Variants in RBFOX1 observed in about 807,000 individuals in gnomAD.
The protein encoded by RBFOX1 is RNA binding fox-1 homolog 1, also known as RNA binding protein fox-1 homolog 1.
RBFOX1 carries 8 observed loss-of-function variants against 57.7 expected under a neutral mutation model. The ratio of observed to expected loss-of-function variants is 0.14; its 90% CI spans 0.08 to 0.25. The LOEUF is 0.25. Among genes scored for constraint, RBFOX1 ranks in the 10% least tolerant of loss-of-function variants. The probability of loss-of-function intolerance (pLI) is 1.00; values close to 1 mark genes in which losing one functional copy is unlikely to be tolerated. For synonymous variants in RBFOX1, 326 were observed against 222.4 expected (o/e 1.47, Z -4.15); for missense variants, 611 against 548.5 (o/e 1.11, Z -1.14).
intron 1 of RBFOX1, among the ~76,000 whole-genome samples, chr16:5,261,542 G>A (rs1262556539): frequency 2.2e-5 from 3 of 137,952 alleles, no homozygotes; most frequent in Non-Finnish European, 4.6e-5. Context: ...ATTTCACTGT[G>A]TGTATGGTTT....
intron 1 of RBFOX1, among the ~76,000 whole-genome samples, chr16:5,434,188 C>G (rs1010507281): frequency 1.3e-5 from 2 of 152,080 alleles, no homozygotes; most frequent in Non-Finnish European, 2.9e-5. Flanking sequence ...GTAAAACATT[C>G]ATTTGCTGTG....
Position 5,390,878 on chromosome 16 carries a change from G to A in RBFOX1, c.220-76338G>A, listed in dbSNP as rs940923571. 2.0e-5 allele frequency among the ~76,000 whole-genome samples: 3 copies of A among 152,150 alleles called. No homozygotes were observed. The South Asian group carries it at 6.2e-4, about 31-fold the overall frequency. ...TCTTGTCACCATAAGGGAAAGCTAG[G>A]ACCCACCCAGAGGAAGCAGAGCATA... On this transcript the variant is annotated intron_variant, in intron 1 of 2. Coordinates refer to the RBFOX1 transcript ENST00000585867.
chr16:6,876,132 A>G (rs372079501), intron 3 of RBFOX1, among the ~76,000 whole-genome samples: 2 of 152,036 alleles, frequency 1.3e-5, no homozygotes, highest in Non-Finnish European at 1.5e-5. Flanking sequence ...GCAGTGAGCC[A>G]TGATTGCACC....
intron 4 of RBFOX1, among the ~76,000 whole-genome samples, chr16:5,924,885 C>T (rs983073859): frequency 2.6e-5 from 4 of 152,148 alleles, no homozygotes; most frequent in Admixed American, 1.3e-4. Flanking sequence ...TAACTGTATC[C>T]GCCTTTGCAG....
chr16:7,691,157 C>CTTAACTGGTAGCTGTTAACTCCTTTTAA (rs2077229196), intron 14 of RBFOX1, among the ~76,000 whole-genome samples: 1 of 152,018 alleles, frequency 6.6e-6, no homozygotes, highest in Admixed American at 6.6e-5. Flanking sequence ...CAAAAAAATA[C>CTTAACTGGTAGCTGTTAACTCCTTTTAA]TTAACTGGTA....
chr16:5,856,220 T>A (rs1179783273), intron 3 of RBFOX1, among the ~76,000 whole-genome samples: 25 of 31,320 alleles, frequency 8.0e-4, no homozygotes, highest in African/African-American at 2.2e-3. Context: ...TATATATGTA[T>A]ATATATATGT....
intron 14 of RBFOX1, among the ~76,000 whole-genome samples, chr16:7,702,456 G>C (rs889909671): frequency 6.6e-6 from 1 of 152,144 alleles, no homozygotes; most frequent in Admixed American, 6.5e-5. Flanking sequence ...AGATCTTACT[G>C]TTTTGCTGCA....
At position 5,683,694 on chromosome 16, in the gene RBFOX1, T is replaced by C. The variant is rs116513295; in HGVS notation, c.318+84733T>C. On this transcript the variant is annotated intron_variant, in intron 3 of 19. Coordinates refer to the RBFOX1 transcript ENST00000641259. ...TCAGCTTACACACGGCCTATTGTGG[T>C]CTTGTGATCATGTAAGTTAATACTT... Among the ~76,000 whole-genome samples the C allele has an allele frequency of 6.9e-3, 1,053 of 151,814 alleles. 18 individuals are homozygous for C. The highest frequency in any genetic ancestry group is 0.025 in the African/African-American group (1,026 of 41,436).
At chr16:6,070,358 A>T (rs1304560276) in intron 1 of RBFOX1, among the ~76,000 whole-genome samples, 1 of 152,214 alleles carries the variant, frequency 6.6e-6, no homozygotes, top group Non-Finnish European at 1.5e-5. Context: ...AAATCCAGTG[A>T]GTGCCTGCAT....
chr16:6,823,088 G>A (rs1481479578), intron 3 of RBFOX1, among the ~76,000 whole-genome samples: 1 of 152,024 alleles, frequency 6.6e-6, no homozygotes, highest in South Asian at 2.1e-4. Context: ...TTTACAGATG[G>A]GAGACTGAGC....
At chr16:5,992,865 T>C (rs2152320981) in intron 4 of RBFOX1, among the ~76,000 whole-genome samples, 1 of 151,774 alleles carries the variant, frequency 6.6e-6, no homozygotes, top group Admixed American at 6.6e-5. Context: ...ACCTGGGAGG[T>C]GGAAGAGGTT....
At chr16:6,278,281 A>T (rs1330098907) in intron 1 of RBFOX1, among the ~76,000 whole-genome samples, 2 of 146,068 alleles carry the variant, frequency 1.4e-5, no homozygotes, top group Non-Finnish European at 3.0e-5. Flanking sequence ...CATGTGCTTT[A>T]AAATCCTTCC....
chr16:7,165,311 C>T (rs2079191666), intron 4 of RBFOX1, among the ~76,000 whole-genome samples: 1 of 151,014 alleles, frequency 6.6e-6, no homozygotes. Context: ...AGCCATGCAC[C>T]CTGGAATGGG....
At chr16:7,385,028 C>T (rs2097852946) in intron 4 of RBFOX1, among the ~76,000 whole-genome samples, 1 of 152,038 alleles carries the variant, frequency 6.6e-6, no homozygotes, top group East Asian at 1.9e-4. Flanking sequence ...AAAGAACATT[C>T]CAGGAAAATA....
intron 1 of RBFOX1, among the ~76,000 whole-genome samples, chr16:5,451,032 G>A (rs1485177519): frequency 6.6e-6 from 1 of 152,190 alleles, no homozygotes; most frequent in Non-Finnish European, 1.5e-5. Context: ...AACCTGGTTG[G>A]CCAGTGCCTG....
intron 5 of RBFOX1, among the ~76,000 whole-genome samples, chr16:7,574,847 C>A (rs1053845940): frequency 6.6e-6 from 1 of 152,172 alleles, no homozygotes; most frequent in Non-Finnish European, 1.5e-5. Context: ...ATTCATTCCT[C>A]CTTCTCCTAG....
At chr16:7,242,547 C>A (rs17670833) in intron 4 of RBFOX1, among the ~76,000 whole-genome samples, 9,831 of 152,296 alleles carry the variant, frequency 0.065, 417 homozygotes, top group East Asian at 0.19. Context: ...TGGTCTGGAA[C>A]ACGTGGCAAC....
chr16:6,508,264 A>C (rs2096161382), intron 2 of RBFOX1, among the ~76,000 whole-genome samples: 1 of 152,112 alleles, frequency 6.6e-6, no homozygotes, highest in Non-Finnish European at 1.5e-5. Flanking sequence ...ACTAATGGGT[A>C]CTAGCCTTAT....
At chr16:6,756,715 T>G (rs2075840914) in intron 3 of RBFOX1, among the ~76,000 whole-genome samples, 1 of 152,164 alleles carries the variant, frequency 6.6e-6, no homozygotes, top group Non-Finnish European at 1.5e-5. Context: ...TTCACGCCTG[T>G]AATCCCAACA....
Sources: allele counts gnomAD v4.1 joint callset (sites outside exome capture counted in the v4.1 genomes callset), GRCh38; gene constraint gnomAD v4.1.1; transcripts MANE v1.5; gene names NCBI Gene and HGNC (gene_info 2026-07-23, HGNC 2026-07-21).